The following PPP1R8 variants were observed in gnomAD, a reference collection of about 807,000 sequenced individuals.
PPP1R8 encodes the protein nuclear inhibitor of protein phosphatase 1.
Under a neutral mutation model 31.3 loss-of-function variants are expected in PPP1R8, and 4 were observed. The ratio of observed to expected loss-of-function variants is 0.13; its 90% CI spans 0.06 to 0.29. The LOEUF is 0.29. Ranked by LOEUF, PPP1R8 falls within the 10% of genes least tolerant of loss-of-function variation. PPP1R8 has a pLI of 1.00. For missense variants in PPP1R8, 254 were observed against 440.1 expected (o/e 0.58, Z 3.78); for synonymous variants, 170 against 169.7 (o/e 1.00, Z -0.01).
At chr1:27,832,961 T>G in intron 2 of PPP1R8, 145 bp downstream of exon 2, 1 of 670,652 alleles carries the variant, frequency 1.5e-6, no homozygotes, top group Non-Finnish European at 2.5e-6. Flanking sequence ...TAAAAGCACA[T>G]GGTGACATCA....
rs1350057420 is a variant in PPP1R8, at chr1:27,851,001, T to G, written c.*555T>G. The G allele has an allele frequency of 6.5e-6, 1 of 154,016 alleles. No individual in the cohort carries two copies. The highest frequency in any genetic ancestry group is 2.4e-5 in the African/African-American group (1 of 41,466). 9.5% of individuals were successfully genotyped at this position (154,016 alleles called of 1,614,324 possible). ...GAGGTCCAGTAGCTAGGCTTTTCTC[T>G]TTTGTCCTTCCTGTTGGAATGAAAA... On this transcript the variant is annotated 3_prime_UTR_variant, in exon 7 of 7. Coordinates refer to ENST00000311772, the MANE Select transcript of PPP1R8 (RefSeq NM_014110.5).
intron 1 of PPP1R8, chr1:27,831,103 G>A: frequency 7.3e-7 from 1 of 1,360,912 alleles, no homozygotes; most frequent in Non-Finnish European, 9.4e-7. Context: ...ACCCGGGGTT[G>A]GGGGCTCAAA....
chr1:27,839,631 A>G (rs1017389196), intron 3 of PPP1R8, among the ~76,000 whole-genome samples: 1 of 152,242 alleles, frequency 6.6e-6, no homozygotes, highest in African/African-American at 2.4e-5. Flanking sequence ...AGCAGAAGCC[A>G]TGATTAGCTC....
In PPP1R8 at chr1:27,847,103, C is replaced by G. The variant is rs12567719; in HGVS notation, c.702+11C>G. The G allele has an allele frequency of 0.036, 57,482 of 1,611,548 alleles. 2,751 individuals are homozygous for G. Among genetic ancestry groups the G allele is most frequent in the East Asian group, 0.23 (10,437 of 44,830 alleles). The stretch of plus-strand genomic sequence containing the variant: ...GTGGTCCCAGTCAAGGTAGGAAGCA[C>G]ATGAAATGCCATACAGTCTGTGTTT... On this transcript the variant is annotated intron_variant, in intron 6 of 6. Transcript: ENST00000311772.
chr1:27,849,959 G>C, intron 6 of PPP1R8, 134 bp from the exon 7 acceptor site: 1 of 757,722 alleles, frequency 1.3e-6, no homozygotes, highest in Non-Finnish European at 2.1e-6. Flanking sequence ...CTGGAAAGGA[G>C]AACAGGCTAG....
In PPP1R8 at chr1:27,850,725, C is replaced by G. The variant is rs2089336140; in HGVS notation, c.*279C>G. ...AGGCCTTCCACTACCTCCTTTCTTTCTCCCACTTTCTAGGATCATTTTTAT... is the reference window on the plus strand; with the variant it reads ...AGGCCTTCCACTACCTCCTTTCTTTGTCCCACTTTCTAGGATCATTTTTAT... On this transcript the variant is annotated 3_prime_UTR_variant, in exon 7 of 7. Coordinates refer to ENST00000311772, the MANE Select transcript of PPP1R8 (RefSeq NM_014110.5). 1 of 333,144 alleles carries G rather than the reference C, an allele frequency of 3.0e-6. No individual in the cohort carries two copies. The highest frequency in any genetic ancestry group is 5.5e-6 in the Non-Finnish European group (1 of 181,722). The allele number at this position is 333,144 out of a possible 1,614,324, so 20.6% of individuals were successfully genotyped here. A position where few individuals can be genotyped will look rare whatever the true frequency, so the allele number is the denominator to read the frequency against.
At position 27,838,834 on chromosome 1, in the gene PPP1R8, C is replaced by T. The variant is rs748684456; in HGVS notation, c.253C>T (p.Leu85=). 6.2e-7 allele frequency: 1 copy of T among 1,606,292 alleles called. No homozygotes were observed. The highest frequency in any genetic ancestry group is 1.1e-5 in the South Asian group (1 of 88,990). Residue 85 remains leucine, a synonymous_variant, in exon 3 of 7, where the codon CTG becomes TTG. Coordinates refer to ENST00000311772, the MANE Select transcript of PPP1R8 (RefSeq NM_014110.5). ...VYHKHLKRVF[L]IDLNSTHGTF... ...CCACAAGCATCTGAAGAGAGTTTTC[C>T]TGATAGATCTCAACAGTAGTAAGTA... is the stretch of plus-strand genomic sequence containing the variant.
At chr1:27,845,204 C>T (rs1476661507) in intron 5 of PPP1R8, among the ~76,000 whole-genome samples, 2 of 148,692 alleles carry the variant, frequency 1.3e-5, no homozygotes, top group South Asian at 2.1e-4. Context: ...TGCTGGCTAA[C>T]ACGGTGAAAC....
chr1:27,844,618 C>T (rs1475705585), intron 5 of PPP1R8, among the ~76,000 whole-genome samples: 3 of 151,282 alleles, frequency 2.0e-5, no homozygotes, highest in East Asian at 2.0e-4. Context: ...TGAGCTACCG[C>T]GCCCAGCCCA....
chr1:27,836,550 G>A (rs1397666214), intron 2 of PPP1R8, among the ~76,000 whole-genome samples: 1 of 152,142 alleles, frequency 6.6e-6, no homozygotes, highest in African/African-American at 2.4e-5. Flanking sequence ...GAGTAGCTGG[G>A]ACTACAGGCA....
chr1:27,838,873 T>A (rs771241610), intron 3 of PPP1R8, 21 bp downstream of exon 3: 9 of 1,544,210 alleles, frequency 5.8e-6, no homozygotes, highest in Non-Finnish European at 7.9e-6. Flanking sequence ...CCCTCCCAAT[T>A]CACATGTTAC....
intron 2 of PPP1R8, chr1:27,834,496 A>G: frequency 1.9e-6 from 1 of 519,108 alleles, no homozygotes; most frequent in Middle Eastern, 3.2e-4. Context: ...GCAATATTAA[A>G]ACAAAAGCCA....
intron 1 of PPP1R8, 130 bp downstream of exon 1, chr1:27,831,021 T>G: frequency 1.4e-6 from 2 of 1,414,874 alleles, no homozygotes; most frequent in Non-Finnish European, 1.8e-6. Flanking sequence ...GAGGAAAAAC[T>G]GTTTGCTGCA....
chr1:27,842,952 C>T (rs528505420), intron 4 of PPP1R8, among the ~76,000 whole-genome samples: 130 of 152,310 alleles, frequency 8.5e-4, no homozygotes, highest in Non-Finnish European at 2.4e-4. Flanking sequence ...TCTTGAATAT[C>T]ACTGCCCCAC....
At chr1:27,839,768 C>T (rs937580990) in intron 3 of PPP1R8, among the ~76,000 whole-genome samples, 4 of 151,980 alleles carry the variant, frequency 2.6e-5, no homozygotes, top group Non-Finnish European at 5.9e-5. Context: ...GTTTTAATTC[C>T]ATAAGCAAGG....
chr1:27,845,913 C>G lies in PPP1R8; in HGVS notation c.638-1115C>G, dbSNP rs548412809. Among the ~76,000 whole-genome samples, 7 of 151,102 alleles carry G rather than the reference C, an allele frequency of 4.6e-5. No homozygotes were observed. The South Asian group carries it at 1.5e-3, about 32-fold the overall frequency. On this transcript the variant is annotated intron_variant, in intron 5 of 6. Coordinates refer to ENST00000311772, the MANE Select transcript of PPP1R8 (RefSeq NM_014110.5). Reference sequence around the variant, plus strand: ...CACGCCATTCTCCTGCCTCAGCGTCCCGAGTAGCTGGGACTACAGGTGCAC... The same window carrying G: ...CACGCCATTCTCCTGCCTCAGCGTCGCGAGTAGCTGGGACTACAGGTGCAC...
intron 6 of PPP1R8, among the ~76,000 whole-genome samples, chr1:27,847,755 G>T (rs973962437): frequency 1.3e-5 from 2 of 151,954 alleles, no homozygotes; most frequent in Non-Finnish European, 2.9e-5. Flanking sequence ...TGCTCTTTAT[G>T]TGCTGTTGAG....
chr1:27,849,993 C>T, intron 6 of PPP1R8, 100 bp from the exon 7 acceptor site: 1 of 1,135,648 alleles, frequency 8.8e-7, no homozygotes, highest in East Asian at 2.4e-5. Context: ...TTCCCAAAAG[C>T]CATTTTTTTA....
At position 27,850,551 on chromosome 1, in the gene PPP1R8, C is replaced by G; in HGVS notation, c.*105C>G. ...AAACTTTCCATGTGTGCGGTATCGT[C>G]TTTCAGAATGTCTCCTGGCATCCTA... On this transcript the variant is annotated 3_prime_UTR_variant, in exon 7 of 7. Transcript: ENST00000311772. 2 of 1,032,554 alleles carry G rather than the reference C, an allele frequency of 1.9e-6. No individual in the cohort carries two copies. The highest frequency in any genetic ancestry group is 2.8e-6 in the Non-Finnish European group (2 of 720,872). 64.0% of individuals were successfully genotyped at this position (1,032,554 alleles called of 1,614,324 possible). A position where few individuals can be genotyped will look rare whatever the true frequency, so the allele number is the denominator to read the frequency against.
Sources: gnomAD v4.1 joint callset for allele counts (sites outside exome capture counted in the v4.1 genomes callset) on GRCh38, gnomAD v4.1.1 for gene constraint, MANE v1.5 for transcripts, NCBI Gene and HGNC (gene_info 2026-07-23, HGNC 2026-07-21) for gene names.